The following PDLIM1 variants were observed in gnomAD, a reference collection of about 807,000 sequenced individuals.
The protein encoded by PDLIM1 is PDZ and LIM domain 1.
Under a neutral mutation model 35.2 loss-of-function variants are expected in PDLIM1, and 25 were observed. That is an observed-to-expected ratio of 0.71 (90% confidence interval 0.52 to 0.99). PDLIM1 has a LOEUF of 0.99. PDLIM1 is among the 50% of genes least tolerant of loss of function. PDLIM1 has a pLI of 0.00. For missense variants in PDLIM1, 363 were observed against 415.3 expected, an observed-to-expected ratio of 0.87 and a Z score of 1.09; for synonymous variants, 152 against 154.0, an observed-to-expected ratio of 0.99 and a Z score of 0.10.
chr10:95,245,123 G>A (rs929341153), intron 5 of PDLIM1, among the ~76,000 whole-genome samples: 2 of 152,098 alleles, frequency 1.3e-5, no homozygotes, highest in Non-Finnish European at 2.9e-5. Flanking sequence ...CCAGACTAAG[G>A]GCTAAAATTT....
intron 1 of PDLIM1, among the ~76,000 whole-genome samples, chr10:95,288,099 G>A (rs926885300): frequency 2.0e-5 from 3 of 152,068 alleles, no homozygotes; most frequent in Non-Finnish European, 4.4e-5. Context: ...TTCTTGACTT[G>A]GGTAGTGATT....
At chr10:95,252,869 G>A (rs192663334) in intron 4 of PDLIM1, among the ~76,000 whole-genome samples, 2 of 152,142 alleles carry the variant, frequency 1.3e-5, no homozygotes, top group East Asian at 3.9e-4. Flanking sequence ...AGAAAAAAAA[G>A]AAATGAAGAG....
intron 1 of PDLIM1, among the ~76,000 whole-genome samples, chr10:95,276,005 T>A (rs1022042652): frequency 6.6e-6 from 1 of 152,236 alleles, no homozygotes; most frequent in Admixed American, 6.5e-5. Flanking sequence ...CACATTCTTT[T>A]ATGAGCTATC....
chr10:95,258,361 G>C (rs927977979), intron 4 of PDLIM1, among the ~76,000 whole-genome samples: 3 of 152,064 alleles, frequency 2.0e-5, no homozygotes, highest in Non-Finnish European at 4.4e-5. Flanking sequence ...AATTAGCCGG[G>C]CATGGTGGCA....
chr10:95,244,537 C>G (rs1412918345), intron 5 of PDLIM1, among the ~76,000 whole-genome samples: 2 of 152,238 alleles, frequency 1.3e-5, no homozygotes, highest in Non-Finnish European at 2.9e-5. Flanking sequence ...AGAGGCGTTT[C>G]TGAATGACAG....
intron 1 of PDLIM1, among the ~76,000 whole-genome samples, chr10:95,286,362 A>T (rs919835297): frequency 6.6e-6 from 1 of 152,074 alleles, no homozygotes; most frequent in Non-Finnish European, 1.5e-5. Flanking sequence ...GTCTCAAAAA[A>T]AAAAAAGTAG....
intron 1 of PDLIM1, among the ~76,000 whole-genome samples, chr10:95,277,970 T>G (rs140258831): frequency 6.6e-6 from 1 of 152,326 alleles, no homozygotes; most frequent in African/African-American, 2.4e-5. Context: ...ACTACATACC[T>G]AAATGACACT....
In PDLIM1 at chr10:95,264,042, C is replaced by T. The variant is rs775698176; in HGVS notation, c.355G>A (p.Ala119Thr). The change falls in exon 4 of 7, where the codon GCC (alanine) becomes ACC (threonine). Residue 119 changes from alanine to threonine, a missense_variant. Transcript: ENST00000329399. ...EPQEVLHIGS[A>T]HNRSAMPFTA... ...AAGGGCATGGCACTTCGGTTGTGGG[C>T]GCTTCCTATGTGCAGGACCTCCTGC... is the stretch of plus-strand genomic sequence containing the variant. 15 of 1,613,444 alleles carry T rather than the reference C, an allele frequency of 9.3e-6. No homozygotes were observed. Among genetic ancestry groups the T allele is most frequent in the Middle Eastern group, 1.7e-4 (1 of 5,838 alleles).
rs779232015 is a variant in PDLIM1 at position 95,238,043 on chromosome 10, G to A, written c.872C>T (p.Thr291Ile). The change falls in exon 7 of 7, where the codon ACC (threonine) becomes ATC (isoleucine). Residue 291 changes from threonine (T) to isoleucine (I), a missense_variant. Coordinates refer to ENST00000329399, the MANE Select transcript of PDLIM1 (RefSeq NM_020992.4). Reference protein sequence around the residue: ...PECYVCTDCGTNLKQKGHFFV... With the variant: ...PECYVCTDCGINLKQKGHFFV... ...GAAATGGCCCTTCTGTTTCAGGTTG[G>A]TGCCACAGTCAGTGCACACATAACA... 57 of 1,614,002 alleles carry A rather than the reference G, an allele frequency of 3.5e-5. No individual in the cohort carries two copies. The highest frequency in any genetic ancestry group is 4.5e-5 in the Non-Finnish European group (53 of 1,180,010).
At chr10:95,262,343 C>G (rs928831949) in intron 4 of PDLIM1, among the ~76,000 whole-genome samples, 3 of 152,094 alleles carry the variant, frequency 2.0e-5, no homozygotes, top group Admixed American at 1.3e-4. Flanking sequence ...GCTTCAGAGG[C>G]AATACAAAAA....
At chr10:95,269,763 G>A (rs1264580164) in intron 2 of PDLIM1, among the ~76,000 whole-genome samples, 3 of 151,708 alleles carry the variant, frequency 2.0e-5, no homozygotes, top group Non-Finnish European at 4.4e-5. Flanking sequence ...ACAGAGTCTC[G>A]CTCTGTCGCC....
At chr10:95,261,297 T>C (rs755385900) in intron 4 of PDLIM1, among the ~76,000 whole-genome samples, 19 of 152,214 alleles carry the variant, frequency 1.2e-4, no homozygotes, top group Non-Finnish European at 7.3e-5. Context: ...GGATGTGTCA[T>C]TTCCTGGGTT....
Position 95,284,524 on chromosome 10 carries a change from T to A in PDLIM1, c.96+6296A>T, listed in dbSNP as rs566366368. Among the ~76,000 whole-genome samples the A allele has an allele frequency of 3.8e-4, 58 of 152,236 alleles. 1 individual carries two copies. Among genetic ancestry groups the A allele is most frequent in the African/African-American group, 1.3e-3 (53 of 41,536 alleles). The stretch of plus-strand genomic sequence containing the variant: ...GCCTGCCACTACGCCTGGCTAATTT[T>A]TGAATTTTTAGTAGAGACAGGGTTT... On this transcript the variant is annotated intron_variant, in intron 1 of 6. Coordinates refer to ENST00000329399, the MANE Select transcript of PDLIM1 (RefSeq NM_020992.4).
intron 1 of PDLIM1, among the ~76,000 whole-genome samples, chr10:95,280,375 C>CA (rs1326932117): frequency 6.6e-6 from 1 of 151,710 alleles, no homozygotes; most frequent in Non-Finnish European, 1.5e-5. Context: ...ATTCCATCTC[C>CA]AAAAAATTAA....
Position 95,290,280 on chromosome 10 carries a change from T to G in PDLIM1, c.96+540A>C, listed in dbSNP as rs2035641200. Among the ~76,000 whole-genome samples the G allele has an allele frequency of 6.6e-6, 1 of 152,138 alleles. No homozygotes were observed. Among genetic ancestry groups the G allele is most frequent in the African/African-American group, 2.4e-5 (1 of 41,432 alleles). Reference sequence around the variant, plus strand: ...GTGTTTATTTCCCGAATCCAGCACATTCTCCAAAAGCCATTCGAGGGGCGA... The same window carrying G: ...GTGTTTATTTCCCGAATCCAGCACAGTCTCCAAAAGCCATTCGAGGGGCGA... On this transcript the variant is annotated intron_variant, in intron 1 of 6. Transcript: ENST00000329399. This position sits in a 1 kb window ranked among gnomAD's most constrained non-coding sequence, Gnocchi z 4.7.
chr10:95,261,410 C>T (rs1295355449), intron 4 of PDLIM1, among the ~76,000 whole-genome samples: 1 of 152,164 alleles, frequency 6.6e-6, no homozygotes, highest in East Asian at 1.9e-4. Context: ...ATCACAGGCC[C>T]CCAGTGTTTC....
intron 1 of PDLIM1, among the ~76,000 whole-genome samples, chr10:95,280,735 G>C (rs1050869119): frequency 6.6e-6 from 1 of 152,094 alleles, no homozygotes; most frequent in African/African-American, 2.4e-5. Context: ...CTATTCAGAA[G>C]GCTTATTTGT....
At chr10:95,238,159 C>G in intron 6 of PDLIM1, 48 bp from the exon 7 acceptor site, 2 of 1,550,244 alleles carry the variant, frequency 1.3e-6, no homozygotes, top group Non-Finnish European at 1.8e-6. Flanking sequence ...CAAGCACCTG[C>G]AGGTGGCACC....
intron 4 of PDLIM1, among the ~76,000 whole-genome samples, chr10:95,249,187 G>A (rs538479030): frequency 2.7e-4 from 41 of 152,190 alleles, no homozygotes; most frequent in Non-Finnish European, 4.6e-4. Flanking sequence ...TGGGTCCAGG[G>A]CCTCCTTCCT....
Sources: allele counts gnomAD v4.1 joint callset (sites outside exome capture counted in the v4.1 genomes callset), GRCh38; gene constraint gnomAD v4.1.1; non-coding constraint Gnocchi (gnomAD v3.1); transcripts MANE v1.5; gene names NCBI Gene and HGNC (gene_info 2026-07-23, HGNC 2026-07-21).